TTC3: variants seen among roughly 807,000 people sequenced by gnomAD.
TTC3 encodes E3 ubiquitin-protein ligase TTC3.
A neutral mutation model predicts 249.6 loss-of-function variants in TTC3; 180 were observed. The observed-to-expected ratio is 0.72, with a 90% CI of 0.64 to 0.82. The LOEUF is 0.82. Ranked by LOEUF, TTC3 falls within the 40% of genes least tolerant of loss-of-function variation. The probability of loss-of-function intolerance (pLI) is 0.00; values close to 1 mark genes in which losing one functional copy is unlikely to be tolerated. For missense variants in TTC3, 2,061 were observed against 2,398.4 expected, an observed-to-expected ratio of 0.86 and a Z score of 2.94; for synonymous variants, 717 against 805.0, an observed-to-expected ratio of 0.89 and a Z score of 1.85.
chr21:37,139,232 G>A (rs2078217343), intron 19 of TTC3, among the ~76,000 whole-genome samples: 1 of 152,034 alleles, frequency 6.6e-6, no homozygotes, highest in Admixed American at 6.6e-5. Context: ...CAATGATAAC[G>A]TTAGTATCTC....
At position 37,088,789 on chromosome 21, in the gene TTC3, T is replaced by G; in HGVS notation, c.339-10T>G. ...AATCTAATCTTTTAAAAAATAAATTTGTCTTTAAGCAATTCACGTGCTTCT... is the reference window on the plus strand; with the variant it reads ...AATCTAATCTTTTAAAAAATAAATTGGTCTTTAAGCAATTCACGTGCTTCT... On this transcript the variant is annotated splice_polypyrimidine_tract_variant and intron_variant, in intron 4 of 45. Transcript: ENST00000355666. 6.2e-7 allele frequency: 1 copy of G among 1,606,024 alleles called. No individual in the cohort carries two copies. Among genetic ancestry groups the G allele is most frequent in the Non-Finnish European group, 8.5e-7 (1 of 1,177,074 alleles).
At chr21:37,172,164 G>A (rs957354204) in intron 34 of TTC3, among the ~76,000 whole-genome samples, 2 of 152,094 alleles carry the variant, frequency 1.3e-5, no homozygotes, top group African/African-American at 4.8e-5. Context: ...GAAATAACCA[G>A]CAACTATTTA....
chr21:37,073,517 G>A (rs1326571143), intron 1 of TTC3, 44 bp downstream of exon 1: 1 of 959,994 alleles, frequency 1.0e-6, no homozygotes, highest in Non-Finnish European at 1.2e-6. Flanking sequence ...CCTCGCTGAG[G>A]TGCCTACTGT....
chr21:37,081,721 G>T (rs1212993516), intron 1 of TTC3: 2 of 151,668 alleles, frequency 1.3e-5, no homozygotes, highest in African/African-American at 4.8e-5. Context: ...TTATCTCTTT[G>T]TTTCTCTTTA....
At chr21:37,180,552 T>C (rs2082660332) in intron 35 of TTC3, among the ~76,000 whole-genome samples, 1 of 137,106 alleles carries the variant, frequency 7.3e-6, no homozygotes, top group Non-Finnish European at 1.5e-5. Context: ...TAGGTGGGAA[T>C]TGAACAATGA....
intron 11 of TTC3, among the ~76,000 whole-genome samples, chr21:37,112,993 G>C (rs1375253302): frequency 2.6e-5 from 4 of 152,114 alleles, no homozygotes; most frequent in African/African-American, 9.6e-5. Context: ...ATTCAACAAC[G>C]CTTCATGCTA....
rs138862573 is a variant in TTC3 at position 37,190,130 on chromosome 21, C to CTTTTTTT, written c.5025-1181_5025-1175dup. On this transcript the variant is annotated intron_variant, in intron 39 of 45. Coordinates refer to ENST00000355666, the Ensembl canonical transcript of TTC3. ...TTTTAGTGTATAGTTCTTTTTCTTTCTTTTTTTTTTTTTTTTTTTTTTTTT... is the reference window on the plus strand; with the variant it reads ...TTTTAGTGTATAGTTCTTTTTCTTTCTTTTTTTTTTTTTTTTTTTTTTTTTTTTTTTT... Among the ~76,000 whole-genome samples, 168 of 65,048 alleles carry CTTTTTTT rather than the reference C, an allele frequency of 2.6e-3. 14 individuals are homozygous for CTTTTTTT. The highest frequency in any genetic ancestry group is 0.015 in the East Asian group (26 of 1,712). The allele number at this position is 65,048 out of a possible 152,430, so 42.7% of individuals were successfully genotyped here.
chr21:37,154,271 G>A (rs573849776), intron 27 of TTC3, among the ~76,000 whole-genome samples: 1 of 152,318 alleles, frequency 6.6e-6, no homozygotes, highest in East Asian at 1.9e-4. Context: ...GCCTCTGCCA[G>A]CCGTCCCCAC....
At chr21:37,153,499 C>A (rs1352061371) in intron 27 of TTC3, among the ~76,000 whole-genome samples, 1 of 152,038 alleles carries the variant, frequency 6.6e-6, no homozygotes, top group Non-Finnish European at 1.5e-5. Flanking sequence ...TGTTGCAAGA[C>A]CTGTCTCTAA....
At chr21:37,132,181 T>G (rs1266442205) in intron 16 of TTC3, among the ~76,000 whole-genome samples, 1 of 152,192 alleles carries the variant, frequency 6.6e-6, no homozygotes, top group Non-Finnish European at 1.5e-5. Flanking sequence ...AATAGAAATA[T>G]TGCCAAAATG....
intron 34 of TTC3, 118 bp from the exon 35 acceptor site, chr21:37,172,477 T>G: frequency 8.6e-7 from 1 of 1,165,928 alleles, no homozygotes; most frequent in Non-Finnish European, 1.2e-6. Flanking sequence ...ACATTTCCCT[T>G]GTAAATTTTC....
exon 33 of TTC3, chr21:37,165,720 T>C (rs2081192780): frequency 3.1e-6 from 5 of 1,613,716 alleles, no homozygotes; most frequent in East Asian, 2.2e-5. Flanking sequence ...GACAACTGTA[T>C]TGCACTGAAG....
intron 23 of TTC3, among the ~76,000 whole-genome samples, chr21:37,148,868 C>G (rs2079209608): frequency 6.6e-6 from 1 of 151,908 alleles, no homozygotes; most frequent in Non-Finnish European, 1.5e-5. Flanking sequence ...ACTGTGTTGC[C>G]CAGGCTAGAG....
intron 1 of TTC3, among the ~76,000 whole-genome samples, chr21:37,077,997 T>C (rs1021259723): frequency 2.6e-5 from 4 of 152,210 alleles, no homozygotes; most frequent in African/African-American, 9.6e-5. Context: ...GTTCATAATT[T>C]ATCTGGAATT....
At chr21:37,150,743 T>C (rs534875217) in intron 24 of TTC3, 77 bp from the exon 25 acceptor site, 3 of 925,158 alleles carry the variant, frequency 3.2e-6, no homozygotes, top group African/African-American at 1.6e-5. Flanking sequence ...GCTTCTGAAA[T>C]ACTTGTTACT....
At chr21:37,114,981 A>G (rs1390018045) in intron 11 of TTC3, among the ~76,000 whole-genome samples, 4 of 151,970 alleles carry the variant, frequency 2.6e-5, no homozygotes, top group African/African-American at 4.8e-5. Context: ...GAATTGAACA[A>G]TGAGAGCACA....
At chr21:37,195,302 C>T (rs1404428865) in intron 41 of TTC3, among the ~76,000 whole-genome samples, 1 of 152,132 alleles carries the variant, frequency 6.6e-6, no homozygotes, top group Middle Eastern at 3.2e-3. Context: ...ATGGAGACAG[C>T]TCTGGGGAGT....
chr21:37,123,034 TTAA>T lies in TTC3; in HGVS notation c.1109+9_1109+11del, dbSNP rs754576720. 1 of 1,613,914 alleles carries T rather than the reference TTAA, an allele frequency of 6.2e-7. No individual in the cohort carries two copies. The highest frequency in any genetic ancestry group is 8.5e-7 in the Non-Finnish European group (1 of 1,179,874). ...AAAGCCTTTTATGAAAACAGGTAAG[TTAA>T]TAGCAGGTCAGTAGCTGCTACTACT... On this transcript the variant is annotated splice_region_variant and intron_variant, in intron 13 of 45. Coordinates refer to ENST00000355666, the Ensembl canonical transcript of TTC3.
At position 37,172,786 on chromosome 21, in the gene TTC3, G is replaced by A. The variant is rs376211332; in HGVS notation, c.4617+42G>A. 39 of 1,606,474 alleles carry A rather than the reference G, an allele frequency of 2.4e-5. No individual in the cohort carries two copies. The Middle Eastern group carries it at 5.0e-4, about 20-fold the overall frequency. Reference sequence around the variant, plus strand: ...CCTGTCTTTAATTGCATGTAGCATAGTTAGGAGAATGTGAGTGTAGCTGTG... The same window carrying A: ...CCTGTCTTTAATTGCATGTAGCATAATTAGGAGAATGTGAGTGTAGCTGTG... On this transcript the variant is annotated intron_variant, in intron 35 of 45. Coordinates refer to ENST00000355666, the Ensembl canonical transcript of TTC3.
Sources: allele counts gnomAD v4.1 joint callset (sites outside exome capture counted in the v4.1 genomes callset), GRCh38; gene constraint gnomAD v4.1.1; transcripts MANE v1.5; gene names NCBI Gene and HGNC (gene_info 2026-07-23, HGNC 2026-07-21).